CCDC6: variants seen among roughly 807,000 people sequenced by gnomAD.
CCDC6 encodes the protein coiled-coil domain containing 6.
A neutral mutation model predicts 56.6 loss-of-function variants in CCDC6; 20 were observed. That is an observed-to-expected ratio of 0.35 (90% CI 0.25 to 0.51). The LOEUF is 0.51. Ranked by LOEUF, CCDC6 falls within the 20% of genes least tolerant of loss-of-function variation. The pLI is 0.95. For missense variants in CCDC6, 367 were observed against 601.1 expected (o/e 0.61, Z 4.07); for synonymous variants, 241 against 234.4 (o/e 1.03, Z -0.26).
intron 2 of CCDC6, among the ~76,000 whole-genome samples, chr10:59,845,928 T>C (rs1202523536): frequency 6.6e-6 from 1 of 152,194 alleles, no homozygotes. Context: ...CTAAATGATA[T>C]TTCATACATT....
intron 1 of CCDC6, among the ~76,000 whole-genome samples, chr10:59,853,817 T>C (rs1409063565): frequency 1.3e-5 from 2 of 152,138 alleles, no homozygotes; most frequent in African/African-American, 4.8e-5. Flanking sequence ...TTTGAAGGCA[T>C]TATTCAATGG....
At chr10:59,852,002 T>A (rs981989494) in intron 2 of CCDC6, among the ~76,000 whole-genome samples, 31 of 152,154 alleles carry the variant, frequency 2.0e-4, no homozygotes, top group African/African-American at 7.0e-4. Flanking sequence ...GTGTGGCATC[T>A]TCTATATATT....
intron 1 of CCDC6, among the ~76,000 whole-genome samples, chr10:59,861,783 T>C (rs1033183963): frequency 1.3e-5 from 2 of 152,200 alleles, no homozygotes; most frequent in African/African-American, 2.4e-5. Context: ...AACAAATAAA[T>C]TGAAACAAAG....
chr10:59,887,811 C>A (rs1030978030), intron 1 of CCDC6, among the ~76,000 whole-genome samples: 6 of 151,958 alleles, frequency 3.9e-5, no homozygotes, highest in Admixed American at 3.9e-4. Context: ...CTATCAGACC[C>A]TTTTTTTAAC....
At chr10:59,847,115 C>T (rs1422759857) in intron 2 of CCDC6, among the ~76,000 whole-genome samples, 1 of 151,906 alleles carries the variant, frequency 6.6e-6, no homozygotes, top group African/African-American at 2.4e-5. Flanking sequence ...TGCAGTGGCG[C>T]TATCTCGGCT....
At chr10:59,815,293 G>A (rs1451217022) in intron 3 of CCDC6, among the ~76,000 whole-genome samples, 1 of 152,170 alleles carries the variant, frequency 6.6e-6, no homozygotes, top group Non-Finnish European at 1.5e-5. Context: ...GTTACTCTAG[G>A]TTACTCTAAG....
rs147702793 is a variant in CCDC6, at chr10:59,873,855, C to A, written c.304-21153G>T. On this transcript the variant is annotated intron_variant, in intron 1 of 8. Coordinates refer to ENST00000263102, the MANE Select transcript of CCDC6 (RefSeq NM_005436.5). ...AGAAGGACAGAGAACACATATGTAGCTTTTAAAATTATCAAAACAGAATAG... is the reference window on the plus strand; with the variant it reads ...AGAAGGACAGAGAACACATATGTAGATTTTAAAATTATCAAAACAGAATAG... Among the ~76,000 whole-genome samples, 78 of 152,202 alleles carry A rather than the reference C, an allele frequency of 5.1e-4. No homozygotes were observed. In the East Asian group the frequency reaches 0.013, roughly 25 times the overall value.
At chr10:59,833,431 G>A (rs1433917336) in intron 2 of CCDC6, among the ~76,000 whole-genome samples, 2 of 152,020 alleles carry the variant, frequency 1.3e-5, no homozygotes, top group African/African-American at 4.8e-5. Context: ...CTTGGACAAC[G>A]AGAGCAAAAC....
chr10:59,839,514 T>C (rs950672757), intron 2 of CCDC6, among the ~76,000 whole-genome samples: 1 of 152,190 alleles, frequency 6.6e-6, no homozygotes, highest in Non-Finnish European at 1.5e-5. Flanking sequence ...TACCCATATA[T>C]CATGGTCTGC....
intron 1 of CCDC6, among the ~76,000 whole-genome samples, chr10:59,863,730 G>A (rs529873431): frequency 2.0e-5 from 3 of 152,234 alleles, no homozygotes; most frequent in Admixed American, 1.3e-4. Flanking sequence ...TAACATGCAC[G>A]CTTTTCATAT....
At chr10:59,805,658 T>C (rs1240917843) in intron 6 of CCDC6, 1 of 152,166 alleles carries the variant, frequency 6.6e-6, no homozygotes, top group East Asian at 1.9e-4. Flanking sequence ...GGGATATAGA[T>C]TTTAGGAAGA....
At chr10:59,841,344 G>A (rs985866873) in intron 2 of CCDC6, among the ~76,000 whole-genome samples, 2 of 152,166 alleles carry the variant, frequency 1.3e-5, no homozygotes, top group Non-Finnish European at 2.9e-5. Flanking sequence ...AACTTCAACT[G>A]TCCCTATGCC....
intron 1 of CCDC6, among the ~76,000 whole-genome samples, chr10:59,902,010 T>TA (rs2071506385): frequency 6.6e-6 from 1 of 152,200 alleles, no homozygotes; most frequent in Non-Finnish European, 1.5e-5. Context: ...TGGGGAAAAT[T>TA]GAATAATCAC....
chr10:59,828,001 A>G (rs2070803083), intron 3 of CCDC6, among the ~76,000 whole-genome samples: 1 of 152,238 alleles, frequency 6.6e-6, no homozygotes, highest in Admixed American at 6.5e-5. Flanking sequence ...GAGTACACAA[A>G]GGCCCTCATA....
Position 59,792,926 on chromosome 10 carries a change from G to A in CCDC6, c.1416C>T (p.Ser472=). The A allele has an allele frequency of 6.2e-7, 1 of 1,610,182 alleles. No homozygotes were observed. Among genetic ancestry groups the A allele is most frequent in the Non-Finnish European group, 8.5e-7 (1 of 1,177,838 alleles). Residue 472 remains serine (S), a synonymous_variant, in exon 9 of 9, where the codon TCC becomes TCT. Transcript: ENST00000263102. Reference sequence around the variant, plus strand: ...AGACTAAGCTCATGCATTAAGGCTGGGAGGAGGGGTGCGCCGAATGTTGCG... The same window carrying A: ...AGACTAAGCTCATGCATTAAGGCTGAGAGGAGGGGTGCGCCGAATGTTGCG... The part of the protein sequence containing the change: ...TPSQHSAHPS[S]QP
At chr10:59,830,639 C>T (rs2070827466) in intron 3 of CCDC6, among the ~76,000 whole-genome samples, 1 of 152,070 alleles carries the variant, frequency 6.6e-6, no homozygotes. Flanking sequence ...TGAAATAAGC[C>T]TAAAAGGTCA....
chr10:59,871,588 A>G (rs1197599195), intron 1 of CCDC6, among the ~76,000 whole-genome samples: 1 of 151,964 alleles, frequency 6.6e-6, no homozygotes, highest in Non-Finnish European at 1.5e-5. Context: ...GTTTGGTTGG[A>G]GAGCCTGGAG....
At chr10:59,821,256 T>C (rs1416790348) in intron 3 of CCDC6, among the ~76,000 whole-genome samples, 2 of 152,148 alleles carry the variant, frequency 1.3e-5, no homozygotes, top group Non-Finnish European at 2.9e-5. Context: ...GAGGGGGCTA[T>C]TAAAATACAT....
In CCDC6 at chr10:59,794,586, C is replaced by T. The variant is rs747906759; in HGVS notation, c.1117G>A (p.Ala373Thr). The T allele has an allele frequency of 2.5e-6, 4 of 1,613,560 alleles. No individual in the cohort carries two copies. The African/African-American group carries it at 4.0e-5, about 16-fold the overall frequency. ...GGCGTGAAACCAACCGTGTGACTTG[C>T]ATATGATAGACCTAAAATATAACAA... is the stretch of plus-strand genomic sequence containing the variant. ...SRPISPGLSYASHTVGFTPPT... is the reference protein window; with the variant it reads ...SRPISPGLSYTSHTVGFTPPT... Residue 373 changes from alanine (A) to threonine (T), a missense_variant, in exon 8 of 9, where the codon GCA becomes ACA. This residue lies in a region of CCDC6 where 79 missense variants were observed against 83.9 expected (regional missense o/e 0.94). Coordinates refer to ENST00000263102, the MANE Select transcript of CCDC6 (RefSeq NM_005436.5).
Sources: allele counts gnomAD v4.1 joint callset (sites outside exome capture counted in the v4.1 genomes callset), GRCh38; gene constraint gnomAD v4.1.1; regional missense constraint gnomAD v4.1.1; transcripts MANE v1.5; gene names NCBI Gene and HGNC (gene_info 2026-07-23, HGNC 2026-07-21).